CPED1: variants seen among roughly 807,000 people sequenced by gnomAD.
CPED1 encodes cadherin-like and PC-esterase domain-containing protein 1.
A neutral mutation model predicts 128.2 loss-of-function variants in CPED1; 114 were observed. That is an observed-to-expected ratio of 0.89 (90% confidence interval 0.76 to 1.04). The LOEUF (loss-of-function observed/expected upper bound fraction) is 1.04. Ranked by LOEUF, CPED1 falls within the 50% of genes least tolerant of loss-of-function variation. The probability of loss-of-function intolerance (pLI) is 0.00; values close to 1 mark genes in which losing one functional copy is unlikely to be tolerated. For synonymous variants in CPED1, 462 were observed against 426.7 expected (o/e 1.08, Z -1.02); for missense variants, 1,211 against 1,207.1 (o/e 1.00, Z -0.05).
At chr7:121,114,966 T>A (rs1010040443) in intron 7 of CPED1, among the ~76,000 whole-genome samples, 1 of 152,194 alleles carries the variant, frequency 6.6e-6, no homozygotes, top group African/African-American at 2.4e-5. Flanking sequence ...ATTAACACCT[T>A]ATGGTTTTAT....
At chr7:121,087,231 C>T (rs1794446621) in intron 5 of CPED1, among the ~76,000 whole-genome samples, 1 of 152,094 alleles carries the variant, frequency 6.6e-6, no homozygotes, top group Non-Finnish European at 1.5e-5. Flanking sequence ...CCTCAATACA[C>T]AATAAATTTT....
chr7:121,244,310 A>G lies in CPED1; in HGVS notation c.2282A>G (p.Gln761Arg). 1.2e-6 allele frequency: 2 copies of G among 1,614,100 alleles called. No individual in the cohort carries two copies. Among genetic ancestry groups the G allele is most frequent in the South Asian group, 2.2e-5 (2 of 91,076 alleles). ...NCQYGVLTKPQLQQCLGGRKI... is the reference protein window; with the variant it reads ...NCQYGVLTKPRLQQCLGGRKI... ...CAATATGGTGTCCTAACTAAGCCTC[A>G]ACTCCAGCAGTGCCTGGGAGGAAGG... The change falls in exon 18 of 23, where the codon CAA becomes CGA. Residue 761 changes from glutamine to arginine, a missense_variant. Gln to Arg is a conservative substitution (Grantham distance 43). Coordinates refer to ENST00000310396, the MANE Select transcript of CPED1 (RefSeq NM_024913.5).
chr7:121,135,256 A>G (rs1011885123), intron 13 of CPED1, among the ~76,000 whole-genome samples: 4 of 152,140 alleles, frequency 2.6e-5, no homozygotes, highest in African/African-American at 7.2e-5. Flanking sequence ...AAAGAAAAAA[A>G]GTGAAAAGAA....
At chr7:121,017,818 A>G (rs1227567249) in intron 3 of CPED1, among the ~76,000 whole-genome samples, 1 of 152,212 alleles carries the variant, frequency 6.6e-6, no homozygotes, top group Non-Finnish European at 1.5e-5. Context: ...AAGTGCAAAA[A>G]CAGCCTGAAG....
At chr7:121,185,081 A>G (rs946982010) in intron 16 of CPED1, among the ~76,000 whole-genome samples, 2 of 152,034 alleles carry the variant, frequency 1.3e-5, no homozygotes, top group South Asian at 4.1e-4. Flanking sequence ...TGATCTCACA[A>G]TGGGAGCAAG....
intron 3 of CPED1, among the ~76,000 whole-genome samples, chr7:121,028,005 T>C (rs1792639261): frequency 6.6e-6 from 1 of 152,158 alleles, no homozygotes; most frequent in South Asian, 2.1e-4. Flanking sequence ...TATCAGAAGC[T>C]AAATGGAATC....
At position 121,158,061 on chromosome 7, in the gene CPED1, C is replaced by A. The variant is rs144534468; in HGVS notation, c.2055+15920C>A. 2.2e-3 allele frequency among the ~76,000 whole-genome samples: 335 copies of A among 152,198 alleles called. 1 individual carries two copies. The highest frequency in any genetic ancestry group is 7.3e-3 in the African/African-American group (303 of 41,518). On this transcript the variant is annotated intron_variant, in intron 16 of 22. Transcript: ENST00000310396. ...CAATTATAATTCATTACTTTAATAACCCTCCTTCAGTGATATCTCCAAGGA... is the reference window on the plus strand; with the variant it reads ...CAATTATAATTCATTACTTTAATAAACCTCCTTCAGTGATATCTCCAAGGA...
intron 16 of CPED1, among the ~76,000 whole-genome samples, chr7:121,209,402 T>C (rs1390455823): frequency 6.6e-6 from 1 of 152,052 alleles, no homozygotes; most frequent in African/African-American, 2.4e-5. Context: ...TTAGCTTCCA[T>C]ATAAGCAATG....
chr7:121,180,907 G>C, intron 16 of CPED1, among the ~76,000 whole-genome samples: 1 of 152,046 alleles, frequency 6.6e-6, no homozygotes, highest in East Asian at 1.9e-4. Context: ...TTCTCTGACA[G>C]GATCGGATCA....
At chr7:121,053,277 G>A (rs889975462) in intron 4 of CPED1, among the ~76,000 whole-genome samples, 7 of 151,944 alleles carry the variant, frequency 4.6e-5, no homozygotes, top group African/African-American at 1.7e-4. Context: ...ATTGCATTGA[G>A]TTTTCATATC....
chr7:121,016,493 C>T (rs970027690), intron 3 of CPED1, among the ~76,000 whole-genome samples: 4 of 152,154 alleles, frequency 2.6e-5, no homozygotes, highest in Non-Finnish European at 5.9e-5. Context: ...ATTTAACTTA[C>T]ACTATAGCTG....
At chr7:121,025,357 A>G (rs1229326325) in intron 3 of CPED1, among the ~76,000 whole-genome samples, 1 of 152,178 alleles carries the variant, frequency 6.6e-6, no homozygotes, top group African/African-American at 2.4e-5. Context: ...CCTTTTTGTT[A>G]GGAAATTCAG....
At chr7:121,199,673 CAAAAAAA>C (rs1160203035) in intron 16 of CPED1, among the ~76,000 whole-genome samples, 2,264 of 86,826 alleles carry the variant, frequency 0.026, 13 homozygotes, top group Non-Finnish European at 0.036. Context: ...GAGACTCCAT[CAAAAAAA>C]AAAAAAAAAA....
intron 16 of CPED1, among the ~76,000 whole-genome samples, chr7:121,142,411 C>T (rs1182845659): frequency 6.6e-6 from 1 of 151,950 alleles, no homozygotes; most frequent in African/African-American, 2.4e-5. Context: ...AGGACTCACA[C>T]TTAGTTGTGA....
chr7:121,150,008 T>C (rs565255148), intron 16 of CPED1, among the ~76,000 whole-genome samples: 2 of 152,224 alleles, frequency 1.3e-5, no homozygotes, highest in South Asian at 2.1e-4. Flanking sequence ...ATAGTGAGGA[T>C]GGTGGTGAAA....
Position 121,264,523 on chromosome 7 carries a change from C to A in CPED1, c.2311-1704C>A, listed in dbSNP as rs576718925. Among the ~76,000 whole-genome samples the A allele has an allele frequency of 7.9e-5, 12 of 152,130 alleles. No homozygotes were observed. In the East Asian group the frequency reaches 1.9e-3, roughly 25 times the overall value. ...TGTTATTCAGGGTAGCCTAATGATG[C>A]TTAGCATAACACTACTTGAGCTGAA... On this transcript the variant is annotated intron_variant, in intron 18 of 22. Coordinates refer to ENST00000310396, the MANE Select transcript of CPED1 (RefSeq NM_024913.5).
chr7:121,249,074 G>C (rs1448779488), intron 18 of CPED1, among the ~76,000 whole-genome samples: 1 of 152,088 alleles, frequency 6.6e-6, no homozygotes, highest in Admixed American at 6.6e-5. Flanking sequence ...GCTGAGGAAA[G>C]ACTCTCCAAA....
At position 121,244,357 on chromosome 7, in the gene CPED1, G is replaced by A. The variant is rs570849590; in HGVS notation, c.2310+19G>A. 5 of 1,613,748 alleles carry A rather than the reference G, an allele frequency of 3.1e-6. No homozygotes were observed. The East Asian group carries it at 6.7e-5, about 22-fold the overall frequency. On this transcript the variant is annotated intron_variant, in intron 18 of 22. Coordinates refer to ENST00000310396, the MANE Select transcript of CPED1 (RefSeq NM_024913.5). ...AAGGAAGGTAGGTTCTGGATCTAGTGGGGGAAGCCTTTAATGTATGCCACC... is the reference window on the plus strand; with the variant it reads ...AAGGAAGGTAGGTTCTGGATCTAGTAGGGGAAGCCTTTAATGTATGCCACC...
chr7:121,127,050 A>G, intron 9 of CPED1, 40 bp from the exon 10 acceptor site: 1 of 1,425,750 alleles, frequency 7.0e-7, no homozygotes, highest in Non-Finnish European at 9.4e-7. Flanking sequence ...TTAAAAGTAA[A>G]TCGATGAAAA....
Sources: allele counts gnomAD v4.1 joint callset (sites outside exome capture counted in the v4.1 genomes callset), GRCh38; gene constraint gnomAD v4.1.1; transcripts MANE v1.5; gene names NCBI Gene and HGNC (gene_info 2026-07-23, HGNC 2026-07-21).